SPAG16: variants seen among roughly 807,000 people sequenced by gnomAD.
SPAG16 encodes sperm-associated antigen 16 protein.
SPAG16 carries 86 observed loss-of-function variants against 80.4 expected under a neutral mutation model. The observed-to-expected ratio is 1.07, with a 90% confidence interval of 0.90 to 1.28. The LOEUF is 1.28. Ranked by LOEUF, SPAG16 falls within the 50% of genes most tolerant of loss-of-function variation. SPAG16 has a pLI of 0.00. For missense variants in SPAG16, 870 were observed against 765.3 expected (o/e 1.14, Z -1.61); for synonymous variants, 294 against 265.9 (o/e 1.11, Z -1.03).
chr2:213,617,738 A>G (rs970365315), intron 10 of SPAG16, among the ~76,000 whole-genome samples: 7 of 152,140 alleles, frequency 4.6e-5, no homozygotes, highest in African/African-American at 1.7e-4. Flanking sequence ...CCATGGGCCT[A>G]GGAGTTTGAG....
intron 9 of SPAG16, among the ~76,000 whole-genome samples, chr2:213,385,792 C>CCA (rs55899353): frequency 0.45 from 67,271 of 149,256 alleles, 17,769 homozygotes; most frequent in Middle Eastern, 0.62. Context: ...TCATCTCTGT[C>CCA]CACACACACA....
chr2:213,903,825 TGTTTC>T (rs1423363391), intron 11 of SPAG16, among the ~76,000 whole-genome samples: 1 of 152,224 alleles, frequency 6.6e-6, no homozygotes, highest in Non-Finnish European at 1.5e-5. Flanking sequence ...ACCTGCTGAA[TGTTTC>T]GCTGCTTAGA....
chr2:213,558,324 T>A (rs966127257), intron 10 of SPAG16, among the ~76,000 whole-genome samples: 1 of 152,052 alleles, frequency 6.6e-6, no homozygotes, highest in African/African-American at 2.4e-5. Flanking sequence ...TCACTCAAAA[T>A]TTGGTAAGAA....
At chr2:213,480,358 T>C (rs573171573) in intron 9 of SPAG16, among the ~76,000 whole-genome samples, 6 of 152,322 alleles carry the variant, frequency 3.9e-5, no homozygotes, top group African/African-American at 1.4e-4. Context: ...TAGCCAATAA[T>C]GCAAATAAGT....
At chr2:213,814,919 A>C (rs1432634998) in intron 10 of SPAG16, among the ~76,000 whole-genome samples, 1 of 151,900 alleles carries the variant, frequency 6.6e-6, no homozygotes, top group Admixed American at 6.6e-5. Context: ...TGAAGCAAAA[A>C]CCAATAGAAC....
intron 15 of SPAG16, among the ~76,000 whole-genome samples, chr2:214,265,912 T>G (rs1379271944): frequency 6.6e-6 from 1 of 151,952 alleles, no homozygotes; most frequent in East Asian, 1.9e-4. Flanking sequence ...TTATTCTAAT[T>G]TTCCCCTAGC....
chr2:214,187,672 T>C (rs1305985519), intron 15 of SPAG16, among the ~76,000 whole-genome samples: 1 of 144,220 alleles, frequency 6.9e-6, no homozygotes, highest in African/African-American at 2.5e-5. Flanking sequence ...ATGTAAACAA[T>C]AATGTCTGCC....
In SPAG16 at chr2:213,664,912, A is replaced by G. The variant is rs537322111; in HGVS notation, c.1070+174822A>G. 7.0e-4 allele frequency among the ~76,000 whole-genome samples: 107 copies of G among 151,864 alleles called. 1 individual carries two copies. Among genetic ancestry groups the G allele is most frequent in the African/African-American group, 2.4e-3 (98 of 41,454 alleles). ...TCAATTTCTCTTAAATTTTTGTTGT[A>G]TTTTCTATCTCTTTTTGAGATTCTG... On this transcript the variant is annotated intron_variant, in intron 10 of 15. Transcript: ENST00000331683.
At chr2:213,630,668 A>C (rs1428308196) in intron 10 of SPAG16, among the ~76,000 whole-genome samples, 1 of 152,212 alleles carries the variant, frequency 6.6e-6, no homozygotes, top group African/African-American at 2.4e-5. Context: ...CATAGATAGA[A>C]GTAAAAGTGA....
intron 14 of SPAG16, among the ~76,000 whole-genome samples, chr2:214,135,334 G>A (rs2054991294): frequency 6.6e-6 from 1 of 152,122 alleles, no homozygotes; most frequent in Non-Finnish European, 1.5e-5. Flanking sequence ...CTTCTGCCTT[G>A]TCAATTTAAA....
chr2:213,899,233 C>T lies in SPAG16; in HGVS notation c.1215-30727C>T, dbSNP rs530690112. Among the ~76,000 whole-genome samples the T allele has an allele frequency of 1.1e-4, 16 of 152,106 alleles. No individual in the cohort carries two copies. In the South Asian group the frequency reaches 3.3e-3, roughly 32 times the overall value. ...ATATTTGGGTGATAAAGGAGATGAA[C>T]GGAGTGTCTTTGTAGGACATGATAG... On this transcript the variant is annotated intron_variant, in intron 11 of 15. Coordinates refer to ENST00000331683, the MANE Select transcript of SPAG16 (RefSeq NM_024532.5).
chr2:214,167,753 A>G (rs1380102879), intron 15 of SPAG16, among the ~76,000 whole-genome samples: 1 of 151,772 alleles, frequency 6.6e-6, no homozygotes, highest in African/African-American at 2.4e-5. Context: ...ATGAAACTAT[A>G]AAATCACTAT....
intron 5 of SPAG16, among the ~76,000 whole-genome samples, chr2:213,321,492 A>G (rs2063605634): frequency 2.0e-5 from 3 of 152,138 alleles, no homozygotes; most frequent in Admixed American, 2.0e-4. Flanking sequence ...TTGAAATGTC[A>G]GCTATTATCA....
rs557811858 is a variant in SPAG16, at chr2:213,685,469, C to T, written c.1071-177016C>T. On this transcript the variant is annotated intron_variant, in intron 10 of 15. Transcript: ENST00000331683. The stretch of plus-strand genomic sequence containing the variant: ...CACCTTCAGTGGGAGCATGACTCTG[C>T]TAACACCTTGAGTTTGGCCTTCTGG... Among the ~76,000 whole-genome samples the T allele has an allele frequency of 3.1e-4, 47 of 152,348 alleles. 1 individual carries two copies. Among genetic ancestry groups the T allele is most frequent in the Admixed American group, 2.4e-3 (36 of 15,306 alleles).
At chr2:214,104,914 G>T (rs1046722574) in intron 13 of SPAG16, among the ~76,000 whole-genome samples, 2 of 152,116 alleles carry the variant, frequency 1.3e-5, no homozygotes, top group African/African-American at 4.8e-5. Flanking sequence ...GGAGGGGAAG[G>T]AAAGCATTAC....
At chr2:214,326,695 T>C (rs62196829) in intron 15 of SPAG16, among the ~76,000 whole-genome samples, 42 of 152,038 alleles carry the variant, frequency 2.8e-4, no homozygotes, top group African/African-American at 9.9e-4. Flanking sequence ...CCTGTAATCC[T>C]AGCACTTTGG....
intron 15 of SPAG16, among the ~76,000 whole-genome samples, chr2:214,182,431 G>A (rs529633532): frequency 1.3e-4 from 19 of 151,768 alleles, no homozygotes; most frequent in South Asian, 2.1e-4. Context: ...TAATATGTGC[G>A]TTACACAACT....
intron 13 of SPAG16, among the ~76,000 whole-genome samples, chr2:214,021,513 A>G (rs1179114669): frequency 6.6e-6 from 1 of 152,112 alleles, no homozygotes; most frequent in Non-Finnish European, 1.5e-5. Flanking sequence ...AGCAGCACAG[A>G]AAAGACCTGC....
intron 10 of SPAG16, among the ~76,000 whole-genome samples, chr2:213,584,586 TAAAG>T (rs756168547): frequency 2.9e-5 from 4 of 135,818 alleles, no homozygotes; most frequent in Non-Finnish European, 6.5e-5. Context: ...GAAAAAGAAA[TAAAG>T]GAAAGGAAAA....
Sources: gnomAD v4.1 joint callset for allele counts (sites outside exome capture counted in the v4.1 genomes callset) on GRCh38, gnomAD v4.1.1 for gene constraint, MANE v1.5 for transcripts, NCBI Gene and HGNC (gene_info 2026-07-23, HGNC 2026-07-21) for gene names.